The following P3H3 variants were observed in gnomAD, a reference collection of about 807,000 sequenced individuals.
P3H3 encodes the protein prolyl 3-hydroxylase 3.
P3H3 carries 64 observed loss-of-function variants against 78.1 expected under a neutral mutation model. The observed-to-expected ratio is 0.82, with a 90% CI of 0.67 to 1.01. The LOEUF (loss-of-function observed/expected upper bound fraction) is 1.01, where lower values mean the gene tolerates loss of function less well. P3H3 is among the 50% of genes least tolerant of loss of function. The pLI is 0.00. For synonymous variants in P3H3, 425 were observed against 416.7 expected (o/e 1.02, Z -0.24); for missense variants, 975 against 982.2 (o/e 0.99, Z 0.10).
chr12:6,828,569 C>G lies in P3H3; in HGVS notation c.129C>G (p.Asp43Glu), dbSNP rs1943407236. ...AGGCCCCCGACTTGCTCTACGCTGA[C>G]GGGCTGCGCGCCTACGCGGCCGGGG... ...PPQAPDLLYA[D>E]GLRAYAAGAW... is the part of the protein sequence containing the mutation. The change falls in exon 1 of 15, where the codon GAC (aspartate) becomes GAG (glutamate). Residue 43 changes from aspartate (D) to glutamate (E), a missense_variant. By Grantham distance (45) the Asp-to-Glu change is conservative (BLOSUM62 2). Transcript: ENST00000290510. 1.5e-5 allele frequency: 19 copies of G among 1,231,460 alleles called. No individual in the cohort carries two copies. Among genetic ancestry groups the G allele is most frequent in the South Asian group, 3.9e-5 (1 of 25,914 alleles). 76.3% of individuals were successfully genotyped at this position (1,231,460 alleles called of 1,614,324 possible).
chr12:6,836,388 A>T (rs1423105654), intron 9 of P3H3, among the ~76,000 whole-genome samples: 2 of 152,154 alleles, frequency 1.3e-5, no homozygotes, highest in Admixed American at 1.3e-4. Context: ...ATTCCAGTGT[A>T]GACATCCAGA....
In P3H3 at chr12:6,837,030, T is replaced by G; in HGVS notation, c.1504T>G (p.Ser502Ala). The G allele has an allele frequency of 6.2e-7, 1 of 1,608,940 alleles. No homozygotes were observed. The highest frequency in any genetic ancestry group is 8.5e-7 in the Non-Finnish European group (1 of 1,179,792). ...CAGGTCTGGCTATCGTGGTCGCCGC[T>G]CCCCTCACACCCCCCATGAACGCTT... Reference protein sequence around the residue: ...GARSGYRGRRSPHTPHERFEG... With the variant: ...GARSGYRGRRAPHTPHERFEG... Residue 502 changes from serine to alanine, a missense_variant, in exon 10 of 15, where the codon TCC becomes GCC. Coordinates refer to ENST00000290510, the MANE Select transcript of P3H3 (RefSeq NM_014262.5).
rs200475649 is a variant in P3H3, at chr12:6,839,004, G to A, written c.1910G>A (p.Arg637Gln). Residue 637 changes from arginine to glutamine, a missense_variant, in exon 14 of 15, where the codon CGG becomes CAG. Arg to Gln is a conservative substitution (Grantham distance 43, BLOSUM62 1). Transcript: ENST00000290510. ...TEPNALTVTARVRPRCGRLVA... is the reference protein window; with the variant it reads ...TEPNALTVTAQVRPRCGRLVA... ...AACCTGCCCTCATCCCTCCAGGCTC[G>A]GGTGCGTCCTCGCTGTGGGCGCCTT... The A allele has an allele frequency of 9.5e-5, 152 of 1,593,662 alleles. No individual in the cohort carries two copies. The African/African-American group carries it at 1.7e-3, about 18-fold the overall frequency.
chr12:6,838,092 C>T, intron 13 of P3H3, 59 bp downstream of exon 13: 1 of 1,555,976 alleles, frequency 6.4e-7, no homozygotes, highest in Non-Finnish European at 8.7e-7. Flanking sequence ...GGTCAGGATT[C>T]AAAACAGAAG....
intron 6 of P3H3, chr12:6,833,319 A>G (rs1943467196): frequency 2.0e-6 from 1 of 496,152 alleles, no homozygotes; most frequent in Admixed American, 3.3e-5. Flanking sequence ...GTTTCATGAG[A>G]CTGTTGTGAA....
rs782188191 is a variant in P3H3, at chr12:6,837,977, G to A, written c.1849G>A (p.Asp617Asn). 5.0e-6 allele frequency: 8 copies of A among 1,608,330 alleles called. No homozygotes were observed. The highest frequency in any genetic ancestry group is 1.7e-4 in the Middle Eastern group (1 of 6,056). Reference protein sequence around the residue: ...RDYSGLLYLNDDFQGGDLFFT... With the variant: ...RDYSGLLYLNNDFQGGDLFFT... ...CCCCAGCGGACTCCTCTACCTCAAC[G>A]ATGACTTCCAGGGTGGGGACCTGTT... The change falls in exon 13 of 15, where the codon GAT becomes AAT. Residue 617 changes from aspartate to asparagine, a missense_variant. By Grantham distance (23) the Asp-to-Asn change is conservative (BLOSUM62 1). Transcript: ENST00000290510.
Position 6,831,753 on chromosome 12 carries a change from G to C in P3H3, c.1123-72G>C. On this transcript the variant is annotated intron_variant, in intron 5 of 14. Coordinates refer to ENST00000290510, the MANE Select transcript of P3H3 (RefSeq NM_014262.5). The surrounding 1 kb of genome is among the most constrained non-coding windows in gnomAD (Gnocchi z 4.6). ...AGGTTCAAGGAGCATGGAGCACCCA[G>C]GCAGTGCCCTAGAGCCGGCGCTTCC... The C allele has an allele frequency of 3.2e-6, 3 of 928,360 alleles. No individual in the cohort carries two copies. The Admixed American group carries it at 6.0e-5, about 18-fold the overall frequency. The allele number at this position is 928,360 out of a possible 1,614,324, so 57.5% of individuals were successfully genotyped here. A position where few individuals can be genotyped will look rare whatever the true frequency, so the allele number is the denominator to read the frequency against.
Position 6,831,307 on chromosome 12 carries a change from C to A in P3H3, c.1077C>A (p.Tyr359Ter). ...CTGCCAAGAGGGCTCTGAACCAGTA[C>A]CAGGCCCAGCTGGGAGAGCCGAGAC... ...DEAAKRALNQ[Y>*]QAQLGEPRPG... is the part of the protein sequence containing the mutation. Residue 359 changes from tyrosine to a stop codon, truncating the protein, a stop_gained, in exon 5 of 15, where the codon TAC becomes TAA. Coordinates refer to ENST00000290510, the MANE Select transcript of P3H3 (RefSeq NM_014262.5). LOFTEE classifies it high-confidence loss of function. This position sits in a 1 kb window ranked among gnomAD's most constrained non-coding sequence, Gnocchi z 4.6. The A allele has an allele frequency of 6.2e-7, 1 of 1,613,906 alleles. No homozygotes were observed. Among genetic ancestry groups the A allele is most frequent in the Non-Finnish European group, 8.5e-7 (1 of 1,179,830 alleles).
Position 6,837,559 on chromosome 12 carries a change from G to T in P3H3, c.1697G>T (p.Arg566Leu). The T allele has an allele frequency of 1.2e-6, 2 of 1,612,210 alleles. No homozygotes were observed. Among genetic ancestry groups the T allele is most frequent in the South Asian group, 2.2e-5 (2 of 90,744 alleles). Residue 566 changes from arginine to leucine, a missense_variant, in exon 11 of 15, where the codon CGC (arginine) becomes CTC (leucine). Coordinates refer to ENST00000290510, the MANE Select transcript of P3H3 (RefSeq NM_014262.5). ...LHLSFTHLVC[R>L]SAIEGEQEQR... ...CTGTCCTTCACCCACCTGGTGTGCC[G>T]CAGCGCCATAGAAGGTACGACAGGG...
At chr12:6,838,965 A>G in intron 13 of P3H3, 35 bp from the exon 14 acceptor site, 2 of 1,531,672 alleles carry the variant, frequency 1.3e-6, no homozygotes, top group Non-Finnish European at 1.8e-6. Context: ...TGAGAGAGCC[A>G]ATCCCTGGAG....
rs1210145997 is a variant in P3H3 at position 6,831,455 on chromosome 12, A to G, written c.1122+103A>G. On this transcript the variant is annotated intron_variant, in intron 5 of 14. Transcript: ENST00000290510. The surrounding 1 kb of genome is among the most constrained non-coding windows in gnomAD (Gnocchi z 4.6). ...CCCCCCGCTGGCCTCTTACCCGAGC[A>G]CTCTAGTCACCCAAAGGACTCCAAG... 6.8e-7 allele frequency: 1 copy of G among 1,480,810 alleles called. No homozygotes were observed. The allele number at this position is 1,480,810 out of a possible 1,614,324, so 91.7% of individuals were successfully genotyped here.
At chr12:6,838,841 C>A (rs975991427) in intron 13 of P3H3, among the ~76,000 whole-genome samples, 159 bp from the exon 14 acceptor site, 2 of 152,310 alleles carry the variant, frequency 1.3e-5, no homozygotes, top group Admixed American at 6.5e-5. Flanking sequence ...AAGCTGATTT[C>A]TCATTTGCCC....
Position 6,832,015 on chromosome 12 carries a change from G to T in P3H3, c.1212+101G>T, listed in dbSNP as rs1302267778. 3 of 713,322 alleles carry T rather than the reference G, an allele frequency of 4.2e-6. No individual in the cohort carries two copies. The East Asian group carries it at 8.2e-5, about 19-fold the overall frequency. 44.2% of individuals were successfully genotyped at this position (713,322 alleles called of 1,614,324 possible). Reference sequence around the variant, plus strand: ...TTTCCATTTTTCCACCATGAGGCTTGGAGAAGAGTCTGCCATCCCAGTTTT... The same window carrying T: ...TTTCCATTTTTCCACCATGAGGCTTTGAGAAGAGTCTGCCATCCCAGTTTT... On this transcript the variant is annotated intron_variant, in intron 6 of 14. Transcript: ENST00000290510.
intron 3 of P3H3, 39 bp from the exon 4 acceptor site, chr12:6,830,600 G>A (rs781837428): frequency 4.4e-6 from 7 of 1,593,808 alleles, no homozygotes; most frequent in African/African-American, 2.7e-5. Context: ...CCAGGGAGGG[G>A]CATGAACAAG....
chr12:6,837,810 G>T lies in P3H3; in HGVS notation c.1790G>T (p.Cys597Phe). The T allele has an allele frequency of 6.2e-7, 1 of 1,612,852 alleles. No individual in the cohort carries two copies. The highest frequency in any genetic ancestry group is 8.5e-7 in the Non-Finnish European group (1 of 1,179,508). The stretch of plus-strand genomic sequence containing the variant: ...GTCCTGGACCCTGACACGGGAGAGT[G>T]CTGGCGGGAGCCCCCAGCCTACACC... ...NCVLDPDTGECWREPPAYTYR... is the reference protein window; with the variant it reads ...NCVLDPDTGEFWREPPAYTYR... The change falls in exon 12 of 15, where the codon TGC becomes TTC. Residue 597 changes from cysteine (C) to phenylalanine (F), a missense_variant. By Grantham distance (205) the Cys-to-Phe change is radical. Coordinates refer to ENST00000290510, the MANE Select transcript of P3H3 (RefSeq NM_014262.5).
chr12:6,833,695 G>A, intron 7 of P3H3, 47 bp from the exon 8 acceptor site: 1 of 1,603,624 alleles, frequency 6.2e-7, no homozygotes, highest in Non-Finnish European at 8.5e-7. Context: ...GGGAGGCTGG[G>A]TCTGGACTGT....
chr12:6,832,942 G>A (rs1205596605), intron 6 of P3H3, among the ~76,000 whole-genome samples: 3 of 149,334 alleles, frequency 2.0e-5, no homozygotes, highest in African/African-American at 7.4e-5. Context: ...TTGGGAGGCC[G>A]AGGCAGGTGG....
chr12:6,831,209 T>C lies in P3H3; in HGVS notation c.986-7T>C, dbSNP rs1943447630. The stretch of plus-strand genomic sequence containing the variant: ...CCCAACCCCTGACCTTGTCGCTCCC[T>C]CTCCAGTGGGCAATCTGTCCCAGGC... On this transcript the variant is annotated splice_region_variant and splice_polypyrimidine_tract_variant and intron_variant, in intron 4 of 14. Coordinates refer to ENST00000290510, the MANE Select transcript of P3H3 (RefSeq NM_014262.5). This position sits in a 1 kb window ranked among gnomAD's most constrained non-coding sequence, Gnocchi z 4.6. 6.2e-7 allele frequency: 1 copy of C among 1,613,546 alleles called. No individual in the cohort carries two copies. The highest frequency in any genetic ancestry group is 8.5e-7 in the Non-Finnish European group (1 of 1,179,726).
rs1943504154 is a variant in P3H3, at chr12:6,836,987, T to C, written c.1461T>C (p.Asp487=). ...ECGVLLQLAK[D]AAGAGARSGY... ...ACGGTAAACTCCTTCCTATTTAGGA[T>C]GCAGCTGGGGCTGGAGCCAGGTCTG... Residue 487 remains aspartate, a splice_region_variant and synonymous_variant, in exon 10 of 15, where the codon GAT becomes GAC. Coordinates refer to ENST00000290510, the MANE Select transcript of P3H3 (RefSeq NM_014262.5). 1 of 1,610,622 alleles carries C rather than the reference T, an allele frequency of 6.2e-7. No individual in the cohort carries two copies. The highest frequency in any genetic ancestry group is 1.7e-5 in the Admixed American group (1 of 59,986).
Sources: gnomAD v4.1 joint callset for allele counts (sites outside exome capture counted in the v4.1 genomes callset) on GRCh38, gnomAD v4.1.1 for gene constraint, Gnocchi (gnomAD v3.1) non-coding constraint, MANE v1.5 for transcripts, NCBI Gene and HGNC (gene_info 2026-07-23, HGNC 2026-07-21) for gene names.